SRSF5: variants seen among roughly 807,000 people sequenced by gnomAD.
SRSF5 encodes the protein serine and arginine rich splicing factor 5.
In SRSF5, 5 loss-of-function variants were observed where a neutral mutation model predicts 34.0. The observed-to-expected ratio is 0.15, with a 90% CI of 0.08 to 0.31. The LOEUF (loss-of-function observed/expected upper bound fraction) is 0.31, where lower values mean the gene tolerates loss of function less well. Ranked by LOEUF, SRSF5 falls within the 10% of genes least tolerant of loss-of-function variation. SRSF5 has a pLI of 1.00. For synonymous variants in SRSF5, 164 were observed against 117.7 expected (o/e 1.39, Z -2.55); for missense variants, 223 against 351.4 (o/e 0.63, Z 2.92).
intron 5 of SRSF5, 107 bp downstream of exon 5, chr14:69,769,358 T>A: frequency 6.6e-7 from 1 of 1,516,138 alleles, no homozygotes; most frequent in Non-Finnish European, 8.8e-7. Context: ...ATTAATGGAT[T>A]TAATGGAATT....
In SRSF5 at chr14:69,768,213, C is replaced by T. The variant is rs761054045; in HGVS notation, c.57C>T (p.Asp19=). 1.5e-5 allele frequency: 24 copies of T among 1,613,902 alleles called. No homozygotes were observed. In the Admixed American group the frequency reaches 3.5e-4, roughly 24 times the overall value. Residue 19 remains aspartate (D), a synonymous_variant, in exon 2 of 8, where the codon GAC becomes GAT. Transcript: ENST00000557154. ...GRLNPAAREK[D]VERFFKGYGR... Reference sequence around the variant, plus strand: ...TAAATCCAGCGGCCAGGGAGAAGGACGTGGAAAGATTCTTCAAGGGATATG... The same window carrying T: ...TAAATCCAGCGGCCAGGGAGAAGGATGTGGAAAGATTCTTCAAGGGATATG...
At chr14:69,768,917 T>C (rs745439075) in intron 4 of SRSF5, 21 bp downstream of exon 4, 2 of 1,606,192 alleles carry the variant, frequency 1.2e-6, no homozygotes, top group Non-Finnish European at 1.7e-6. Flanking sequence ...GGTGGATGGC[T>C]GCATTGAACA....
In SRSF5 at chr14:69,771,068, A is replaced by G; in HGVS notation, c.514A>G (p.Arg172Gly). 6.2e-7 allele frequency: 1 copy of G among 1,614,018 alleles called. No individual in the cohort carries two copies. The highest frequency in any genetic ancestry group is 8.5e-7 in the Non-Finnish European group (1 of 1,179,972). Residue 172 changes from arginine (R) to glycine (G), a missense_variant, in exon 7 of 8, where the codon AGA becomes GGA. Transcript: ENST00000557154. ...EKLSGKEING[R>G]KIKLIEGSKR... is the part of the protein sequence containing the mutation. ...ACTTTCTGGAAAGGAAATAAATGGG[A>G]GAAAAATAAAATTAATTGAAGGCAG...
chr14:69,770,416 TTG>T (rs753430129), intron 5 of SRSF5, 49 bp from the exon 6 acceptor site: 1 of 1,597,650 alleles, frequency 6.3e-7, no homozygotes, highest in South Asian at 1.1e-5. Context: ...ATGTGATTGT[TTG>T]TGTGTCCCCT....
At chr14:69,770,082 A>C (rs1883017822) in intron 5 of SRSF5, 1 of 1,026,394 alleles carries the variant, frequency 9.7e-7, no homozygotes, top group Admixed American at 5.5e-5. Flanking sequence ...GGCACAAAAT[A>C]ACTGGTGTCT....
intron 5 of SRSF5, 48 bp downstream of exon 5, chr14:69,769,299 AAGTT>A: frequency 6.2e-7 from 1 of 1,609,052 alleles, no homozygotes; most frequent in Non-Finnish European, 8.5e-7. Context: ...CTTTTTAAAA[AAGTT>A]AATGGGTAGC....
chr14:69,770,185 G>GT (rs570319620), intron 5 of SRSF5: 2,390 of 1,076,742 alleles, frequency 2.2e-3, no homozygotes, highest in East Asian at 7.5e-3. Flanking sequence ...TTTTTTGTTT[G>GT]TTTTTTTTTC....
At position 69,771,287 on chromosome 14, in the gene SRSF5, AAGAAGC is replaced by A. The variant is rs775320407; in HGVS notation, c.648_653del (p.Arg224_Ser225del). On this transcript the variant is annotated inframe_deletion, in exon 8 of 8. Transcript: ENST00000557154. ...GTAGTCGCAAATCTTACAGCCGGTC[AAGAAGC>A]AGGAGCAGGAGCCGGAGCCGGAGCA... 1.2e-5 allele frequency: 19 copies of A among 1,614,014 alleles called. No homozygotes were observed. Among genetic ancestry groups the A allele is most frequent in the East Asian group, 2.2e-5 (1 of 44,900 alleles).
chr14:69,771,416 G>A lies in SRSF5; in HGVS notation c.774G>A (p.Arg258=). 6.2e-7 allele frequency: 1 copy of A among 1,614,164 alleles called. No individual in the cohort carries two copies. The highest frequency in any genetic ancestry group is 8.5e-7 in the Non-Finnish European group (1 of 1,180,038). The part of the protein sequence containing the change: ...SKSPASVDRQ[R]SRSRSRSRSV... ...CTCCAGCATCTGTGGATCGCCAGAG[G>A]TCCCGGTCCCGATCAAGGTCCAGAT... Residue 258 remains arginine (R), a synonymous_variant, in exon 8 of 8, where the codon AGG becomes AGA. Transcript: ENST00000557154.
chr14:69,771,014 T>C lies in SRSF5; in HGVS notation c.460T>C (p.Tyr154His), dbSNP rs762334743. ...LNEGVVEFAS[Y>H]GDLKNAIEKL... ...TTTTAGGGTGGTTGAGTTTGCCTCT[T>C]ATGGTGACTTAAAGAATGCTATTGA... The change falls in exon 7 of 8, where the codon TAT (tyrosine) becomes CAT (histidine). Residue 154 changes from tyrosine (Y) to histidine (H), a missense_variant. Transcript: ENST00000557154. The C allele has an allele frequency of 1.2e-5, 20 of 1,613,458 alleles. No individual in the cohort carries two copies. In the Middle Eastern group the frequency reaches 6.7e-4, roughly 54 times the overall value.
At chr14:69,768,927 AATT>A (rs776832185) in intron 4 of SRSF5, 31 bp downstream of exon 4, 15 of 1,597,962 alleles carry the variant, frequency 9.4e-6, no homozygotes, top group Non-Finnish European at 1.2e-5. Flanking sequence ...TGCATTGAAC[AATT>A]ATTGTAGGGG....
chr14:69,767,993 C>T (rs1594747741), intron 1 of SRSF5, 145 bp from the exon 2 acceptor site: 1 of 858,110 alleles, frequency 1.2e-6, no homozygotes, highest in Non-Finnish European at 1.8e-6. Context: ...TGCAGGTAAC[C>T]TGGCCTCATT....
At chr14:69,769,418 T>G in intron 5 of SRSF5, 167 bp downstream of exon 5, 1 of 1,520,806 alleles carries the variant, frequency 6.6e-7, no homozygotes, top group Non-Finnish European at 8.8e-7. Context: ...TTTTGAACTT[T>G]AATATTAGTG....
intron 5 of SRSF5, 25 bp downstream of exon 5, chr14:69,769,276 T>C: frequency 1.2e-6 from 2 of 1,611,706 alleles, no homozygotes; most frequent in Non-Finnish European, 8.5e-7. Flanking sequence ...AGTTTTGAGT[T>C]ATTTTGATGT....
At position 69,767,604 on chromosome 14, in the gene SRSF5, A is replaced by G. The variant is rs377174495; in HGVS notation, c.-20+349A>G. On this transcript the variant is annotated intron_variant, in intron 1 of 7. Coordinates refer to ENST00000557154, the MANE Select transcript of SRSF5 (RefSeq NM_001320214.2). The stretch of plus-strand genomic sequence containing the variant: ...AGGGCGGCCGCAGTGACCCCCGAGA[A>G]GGGGGTTGCTGGGAGGAGAAGGGAA... 86 of 452,752 alleles carry G rather than the reference A, an allele frequency of 1.9e-4. 1 individual carries two copies. The highest frequency in any genetic ancestry group is 1.4e-3 in the Middle Eastern group (4 of 2,920). 28.0% of individuals were successfully genotyped at this position (452,752 alleles called of 1,614,324 possible). A position where few individuals can be genotyped will look rare whatever the true frequency, so the allele number is the denominator to read the frequency against.
chr14:69,769,551 G>T (rs1184824715), intron 5 of SRSF5: 1 of 1,535,386 alleles, frequency 6.5e-7, no homozygotes, highest in South Asian at 1.2e-5. Context: ...AGTGCCTGTG[G>T]GTTATCCTAA....
At chr14:69,767,520 C>T (rs929189494) in intron 1 of SRSF5, 1 of 455,862 alleles carries the variant, frequency 2.2e-6, no homozygotes, top group African/African-American at 2.0e-5. Context: ...CTCCTGGACA[C>T]GTAGAATAGT....
chr14:69,770,032 T>A (rs1883013210), intron 5 of SRSF5: 1 of 1,021,068 alleles, frequency 9.8e-7, no homozygotes, highest in African/African-American at 1.7e-5. Flanking sequence ...CCTAGGGAAA[T>A]AATAATAAAG....
intron 6 of SRSF5, among the ~76,000 whole-genome samples, 154 bp downstream of exon 6, chr14:69,770,694 T>G (rs1184207885): frequency 6.6e-6 from 1 of 152,184 alleles, no homozygotes; most frequent in Non-Finnish European, 1.5e-5. Flanking sequence ...CCTTTGGCAG[T>G]GTCTGGAGAC....
Sources: gnomAD v4.1 joint callset for allele counts (sites outside exome capture counted in the v4.1 genomes callset) on GRCh38, gnomAD v4.1.1 for gene constraint, MANE v1.5 for transcripts, NCBI Gene and HGNC (gene_info 2026-07-23, HGNC 2026-07-21) for gene names.